BAZ1A: variants seen among roughly 807,000 people sequenced by gnomAD.
BAZ1A encodes the protein bromodomain adjacent to zinc finger domain protein 1A.
In BAZ1A, 50 loss-of-function variants were observed where a neutral mutation model predicts 185.2. The ratio of observed to expected loss-of-function variants is 0.27; its 90% CI spans 0.22 to 0.34. The LOEUF (loss-of-function observed/expected upper bound fraction) is 0.34, where lower values mean the gene tolerates loss of function less well. Ranked by LOEUF, BAZ1A falls within the 10% of genes least tolerant of loss-of-function variation. The pLI, the probability that BAZ1A is intolerant of heterozygous loss-of-function variation, is 1.00. For synonymous variants in BAZ1A, 571 were observed against 615.6 expected (o/e 0.93, Z 1.07); for missense variants, 1,356 against 1,839.9 (o/e 0.74, Z 4.81).
intron 3 of BAZ1A, among the ~76,000 whole-genome samples, chr14:34,838,198 T>C (rs999552338): frequency 4.6e-5 from 7 of 152,224 alleles, no homozygotes; most frequent in Admixed American, 1.3e-4. Context: ...ACTTCCGTTA[T>C]ATGCATCCAA....
chr14:34,780,832 A>G (rs1879988472), intron 16 of BAZ1A, among the ~76,000 whole-genome samples: 1 of 152,180 alleles, frequency 6.6e-6, no homozygotes, highest in Non-Finnish European at 1.5e-5. Context: ...AAGGGAAATG[A>G]TATTAGAAAG....
intron 4 of BAZ1A, among the ~76,000 whole-genome samples, chr14:34,812,945 T>C (rs920758764): frequency 1.3e-5 from 2 of 152,274 alleles, no homozygotes; most frequent in East Asian, 3.9e-4. Context: ...GCACCTGTAC[T>C]ATATGGAGTA....
intron 3 of BAZ1A, among the ~76,000 whole-genome samples, chr14:34,844,613 CA>C (rs369573959): frequency 3.7e-4 from 53 of 141,936 alleles, no homozygotes; most frequent in African/African-American, 5.5e-4. Context: ...CCTGTTTCTA[CA>C]AAAAAAAAAA....
chr14:34,852,650 A>G (rs938366768), intron 3 of BAZ1A, among the ~76,000 whole-genome samples: 1 of 152,186 alleles, frequency 6.6e-6, no homozygotes, highest in African/African-American at 2.4e-5. Flanking sequence ...ATGTTCCCCA[A>G]TGAAGACACT....
At chr14:34,758,868 T>C in intron 24 of BAZ1A, 22 bp from the exon 25 acceptor site, 1 of 1,609,376 alleles carries the variant, frequency 6.2e-7, no homozygotes, top group Non-Finnish European at 8.5e-7. Context: ...ATTACAACAT[T>C]TTAGGTGATA....
At chr14:34,812,228 G>T (rs771260582) in intron 4 of BAZ1A, among the ~76,000 whole-genome samples, 6 of 151,690 alleles carry the variant, frequency 4.0e-5, no homozygotes, top group South Asian at 2.1e-4. Flanking sequence ...AGAGATCTGG[G>T]GGGGGAGGGG....
Position 34,783,846 on chromosome 14 carries a change from A to G in BAZ1A, c.1913T>C (p.Val638Ala). ...CTGCTTTGCCTGTCGTAATATATCA[A>G]CATAATCTTCAATAAAATCCCTAGT... The part of the protein sequence containing the change: ...VSTRDFIEDY[V>A]DILRQAKQEF... The change falls in exon 15 of 27, where the codon GTT becomes GCT. Residue 638 changes from valine (V) to alanine (A), a missense_variant. Physicochemically the swap from Val to Ala is moderately conservative, Grantham distance 64. Coordinates refer to ENST00000360310, the MANE Select transcript of BAZ1A (RefSeq NM_013448.3). 6.2e-7 allele frequency: 1 copy of G among 1,613,762 alleles called. No homozygotes were observed. The highest frequency in any genetic ancestry group is 8.5e-7 in the Non-Finnish European group (1 of 1,179,914).
At position 34,794,607 on chromosome 14, in the gene BAZ1A, A is replaced by T. The variant is rs1881078451; in HGVS notation, c.1363+142T>A. ...ACCGAGGCACCAGACCTGTGTGAGA[A>T]GAAGCCATTTTGAACATCTAGCCAG... On this transcript the variant is annotated intron_variant, in intron 11 of 26. Transcript: ENST00000360310. 6 of 748,012 alleles carry T rather than the reference A, an allele frequency of 8.0e-6. No homozygotes were observed. The East Asian group carries it at 1.7e-4, about 21-fold the overall frequency. The allele number at this position is 748,012 out of a possible 1,614,324, so 46.3% of individuals were successfully genotyped here.
chr14:34,857,141 G>A (rs1332037321), intron 3 of BAZ1A, among the ~76,000 whole-genome samples: 3 of 151,326 alleles, frequency 2.0e-5, no homozygotes, highest in Non-Finnish European at 4.4e-5. Context: ...TGAGTAGCTG[G>A]GACTACAGGT....
At chr14:34,844,912 TTG>T (rs1287869009) in intron 3 of BAZ1A, among the ~76,000 whole-genome samples, 4 of 152,132 alleles carry the variant, frequency 2.6e-5, no homozygotes, top group African/African-American at 7.2e-5. Context: ...GAAGACTATT[TTG>T]TGATATGTAA....
rs1225939081 is a variant in BAZ1A, at chr14:34,784,367, C to CCAAAAAAAAAAAAAAAAAAAAAAAAAAA, written c.1832-441_1832-440insTTTTTTTTTTTTTTTTTTTTTTTTTTTG. On this transcript the variant is annotated intron_variant, in intron 14 of 26. Transcript: ENST00000360310. ...TGGGCAACTGAGTGAGACTCTGTCT[C>CCAAAAAAAAAAAAAAAAAAAAAAAAAAA]AAAAAAAAAAAAAAAAAAAAAAAAA... Among the ~76,000 whole-genome samples the CCAAAAAAAAAAAAAAAAAAAAAAAAAAA allele has an allele frequency of 1.8e-4, 14 of 77,176 alleles. 2 individuals are homozygous for CCAAAAAAAAAAAAAAAAAAAAAAAAAAA. The highest frequency in any genetic ancestry group is 8.9e-4 in the South Asian group (2 of 2,240). 50.6% of individuals were successfully genotyped at this position (77,176 alleles called of 152,430 possible).
intron 12 of BAZ1A, among the ~76,000 whole-genome samples, chr14:34,790,693 G>A (rs903484156): frequency 2.6e-5 from 4 of 151,990 alleles, no homozygotes; most frequent in Admixed American, 1.3e-4. Context: ...TCACTATGTC[G>A]CCCAGGCTAA....
intron 17 of BAZ1A, 114 bp downstream of exon 17, chr14:34,780,072 G>C: frequency 7.1e-7 from 1 of 1,410,534 alleles, no homozygotes; most frequent in Non-Finnish European, 9.7e-7. Context: ...AACAAACACA[G>C]CCTGGAATCA....
chr14:34,769,814 A>C (rs1879091856), intron 21 of BAZ1A, among the ~76,000 whole-genome samples: 1 of 152,226 alleles, frequency 6.6e-6, no homozygotes, highest in Admixed American at 6.5e-5. Flanking sequence ...GGTTGTAATA[A>C]ATACAGAGTG....
chr14:34,794,137 A>C (rs1460769281), intron 11 of BAZ1A, among the ~76,000 whole-genome samples: 2 of 152,114 alleles, frequency 1.3e-5, no homozygotes. Context: ...CTCAAGAAAA[A>C]AAAAAATGAG....
intron 2 of BAZ1A, among the ~76,000 whole-genome samples, chr14:34,866,084 A>T (rs1452307420): frequency 6.6e-6 from 1 of 152,172 alleles, no homozygotes; most frequent in East Asian, 1.9e-4. Flanking sequence ...GCTACTCAGG[A>T]GGCTGAGGTG....
chr14:34,859,877 T>C (rs1277580913), intron 3 of BAZ1A, among the ~76,000 whole-genome samples: 1 of 151,874 alleles, frequency 6.6e-6, no homozygotes, highest in Non-Finnish European at 1.5e-5. Context: ...AGTTGAGGAG[T>C]TGGGGAGTCT....
intron 25 of BAZ1A, 141 bp downstream of exon 25, chr14:34,758,561 CAG>C (rs1224610492): frequency 1.2e-6 from 1 of 809,706 alleles, no homozygotes; most frequent in African/African-American, 1.8e-5. Context: ...GCCTGGGCGA[CAG>C]AGTGAGACTG....
At chr14:34,830,618 A>G (rs2138727220) in intron 3 of BAZ1A, among the ~76,000 whole-genome samples, 1 of 152,160 alleles carries the variant, frequency 6.6e-6, no homozygotes, top group African/African-American at 2.4e-5. Context: ...TATAAAATTA[A>G]AACTGTACAT....
Sources: allele counts gnomAD v4.1 joint callset (sites outside exome capture counted in the v4.1 genomes callset), GRCh38; gene constraint gnomAD v4.1.1; transcripts MANE v1.5; gene names NCBI Gene and HGNC (gene_info 2026-07-23, HGNC 2026-07-21).